The following SPTBN1 variants were observed in gnomAD, a reference collection of about 807,000 sequenced individuals.
SPTBN1 encodes the protein spectrin beta, non-erythrocytic 1, also known as spectrin beta chain, non-erythrocytic 1.
Under a neutral mutation model 266.4 loss-of-function variants are expected in SPTBN1, and 32 were observed. The observed-to-expected ratio is 0.12, with a 90% CI of 0.09 to 0.16. The LOEUF is 0.16. Ranked by LOEUF, SPTBN1 falls within the 10% of genes least tolerant of loss-of-function variation. SPTBN1 has a pLI of 1.00. For synonymous variants in SPTBN1, 1,336 were observed against 1,162.2 expected (o/e 1.15, Z -3.04); for missense variants, 2,296 against 3,067.1 (o/e 0.75, Z 5.94).
At chr2:54,548,307 G>C (rs1429268761) in intron 2 of SPTBN1, among the ~76,000 whole-genome samples, 1 of 152,170 alleles carries the variant, frequency 6.6e-6, no homozygotes, top group Non-Finnish European at 1.5e-5. Flanking sequence ...AGTTTGCTGA[G>C]GCCAACTTTG....
In SPTBN1 at chr2:54,664,120, ATG is replaced by A. The variant is rs1378282092; in HGVS notation, c.6421-328_6421-327del. The A allele has an allele frequency of 1.5e-5, 3 of 200,766 alleles. No individual in the cohort carries two copies. Among genetic ancestry groups the A allele is most frequent in the Admixed American group, 5.6e-5 (1 of 17,850 alleles). The allele number at this position is 200,766 out of a possible 1,614,324, so 12.4% of individuals were successfully genotyped here. Reference sequence around the variant, plus strand: ...ACGTCCACTCTCTTTCATATTTAATATGTGTGATTGTTACTGTTGTCTTTTTG... The same window carrying A: ...ACGTCCACTCTCTTTCATATTTAATATGTGATTGTTACTGTTGTCTTTTTG... On this transcript the variant is annotated intron_variant, in intron 32 of 35. Transcript: ENST00000356805. The surrounding 1 kb of genome is among the most constrained non-coding windows in gnomAD (Gnocchi z 5.6).
At position 54,526,547 on chromosome 2, in the gene SPTBN1, C is replaced by T; in HGVS notation, c.129C>T (p.Ser43=). Residue 43 remains serine, a synonymous_variant, in exon 2 of 36, where the codon TCC becomes TCT. Transcript: ENST00000356805. ...GCTCTGCGCGGCTTTTTGAGCGGTC[C>T]CGCATCAAGGCTCTGGCAGGTGAGT... ...ENSSARLFER[S]RIKALADERE... is the part of the protein sequence containing the mutation. 1 of 1,613,928 alleles carries T rather than the reference C, an allele frequency of 6.2e-7. No homozygotes were observed. The highest frequency in any genetic ancestry group is 8.5e-7 in the Non-Finnish European group (1 of 1,179,936).
In SPTBN1 at chr2:54,645,324, G is replaced by A; in HGVS notation, c.4365G>A (p.Glu1455=). Reference sequence around the variant, plus strand: ...GTCAGGAAGGGAAGAGCACCGACGAGGTAGACAGCAAGCGCCTCACCGTGC... The same window carrying A: ...GTCAGGAAGGGAAGAGCACCGACGAAGTAGACAGCAAGCGCCTCACCGTGC... The part of the protein sequence containing the change: ...ALSQEGKSTD[E]VDSKRLTVQT... The change falls in exon 21 of 36, where the codon GAG becomes GAA. Residue 1455 remains glutamate (E), a synonymous_variant. Coordinates refer to ENST00000356805, the MANE Select transcript of SPTBN1 (RefSeq NM_003128.3). This position sits in a 1 kb window ranked among gnomAD's most constrained non-coding sequence, Gnocchi z 4.3. 6.2e-7 allele frequency: 1 copy of A among 1,614,214 alleles called. No homozygotes were observed. Among genetic ancestry groups the A allele is most frequent in the Non-Finnish European group, 8.5e-7 (1 of 1,180,046 alleles).
At chr2:54,663,498 C>G (rs536133434) in intron 32 of SPTBN1, 1 of 152,312 alleles carries the variant, frequency 6.6e-6, no homozygotes, top group Admixed American at 6.5e-5. Context: ...TACTACATTT[C>G]CAAAGCCGAA....
chr2:54,659,225 G>T lies in SPTBN1; in HGVS notation c.6315G>T (p.Pro2105=). Residue 2105 remains proline, a synonymous_variant, in exon 31 of 36, where the codon CCG becomes CCT. Transcript: ENST00000356805. Reference sequence around the variant, plus strand: ...AGAGGCGGCCGCCTTCTCCCGAGCCGAGCACGAAGGTTTCAGAGGAAGCCG... The same window carrying T: ...AGAGGCGGCCGCCTTCTCCCGAGCCTAGCACGAAGGTTTCAGAGGAAGCCG... ...ERKRRPPSPE[P]STKVSEEAES... is the part of the protein sequence containing the mutation. The T allele has an allele frequency of 6.2e-7, 1 of 1,614,078 alleles. No individual in the cohort carries two copies. Among genetic ancestry groups the T allele is most frequent in the Non-Finnish European group, 8.5e-7 (1 of 1,179,998 alleles).
At chr2:54,655,430 A>C (rs1046235482) in intron 28 of SPTBN1, among the ~76,000 whole-genome samples, 5 of 152,218 alleles carry the variant, frequency 3.3e-5, no homozygotes, top group Admixed American at 3.3e-4. Context: ...GAGGGCTACA[A>C]AATGGACTCC....
chr2:54,618,336 A>T (rs1677760785), intron 7 of SPTBN1, 143 bp downstream of exon 7: 4 of 691,556 alleles, frequency 5.8e-6, no homozygotes, highest in Non-Finnish European at 9.7e-6. Flanking sequence ...TTTTTTGAGG[A>T]TTTATGGAAA....
intron 2 of SPTBN1, among the ~76,000 whole-genome samples, chr2:54,547,661 C>T (rs190181594): frequency 6.6e-6 from 1 of 152,230 alleles, no homozygotes; most frequent in Admixed American, 6.5e-5. Flanking sequence ...GGAAAAAAGG[C>T]ACCAACGTGG....
At chr2:54,586,430 A>C (rs1162619436) in intron 2 of SPTBN1, among the ~76,000 whole-genome samples, 1 of 152,230 alleles carries the variant, frequency 6.6e-6, no homozygotes, top group Non-Finnish European at 1.5e-5. Context: ...CATTAAGTGG[A>C]ATCTTGTCAT....
At chr2:54,634,484 C>CGAT (rs1181480451) in intron 17 of SPTBN1, among the ~76,000 whole-genome samples, 7 of 152,052 alleles carry the variant, frequency 4.6e-5, no homozygotes, top group Non-Finnish European at 1.0e-4. Context: ...GGGAGCTTTC[C>CGAT]GATGACCTGC....
rs367851896 is a variant in SPTBN1, at chr2:54,549,190, G to C, written c.148+22624G>C. 1.2e-3 allele frequency among the ~76,000 whole-genome samples: 187 copies of C among 151,232 alleles called. 4 individuals carry two copies. The South Asian group carries it at 0.034, about 28-fold the overall frequency. On this transcript the variant is annotated intron_variant, in intron 2 of 35. Coordinates refer to ENST00000356805, the MANE Select transcript of SPTBN1 (RefSeq NM_003128.3). ...TGTAATCCCAGCTACTCGGAAAGCT[G>C]AGGCAAGAGAATCGCTTGAACCCTG...
intron 1 of SPTBN1, among the ~76,000 whole-genome samples, chr2:54,487,830 G>GTTTTTTTTTT (rs1558770807): frequency 2.0e-3 from 12 of 5,944 alleles, no homozygotes; most frequent in East Asian, 6.5e-3. Flanking sequence ...CTCCTCCTGT[G>GTTTTTTTTTT]TCTTTTTTTT....
rs1672738489 is a variant in SPTBN1 at position 54,554,267 on chromosome 2, G to GTGGA, written c.148+27703_148+27706dup. 6.6e-6 allele frequency among the ~76,000 whole-genome samples: 1 copy of GTGGA among 152,198 alleles called. No individual in the cohort carries two copies. The highest frequency in any genetic ancestry group is 2.4e-5 in the African/African-American group (1 of 41,448). On this transcript the variant is annotated intron_variant, in intron 2 of 35. Transcript: ENST00000356805. This position sits in a 1 kb window ranked among gnomAD's most constrained non-coding sequence, Gnocchi z 4.5. ...GGGAGATGGGGAGCACGCTGACTTG[G>GTGGA]TGGATCTGGGGTCCATGTGTTGGTT...
intron 2 of SPTBN1, among the ~76,000 whole-genome samples, chr2:54,553,323 C>T (rs928398190): frequency 1.3e-5 from 2 of 151,934 alleles, no homozygotes; most frequent in African/African-American, 4.8e-5. Flanking sequence ...GAGAGGTGGG[C>T]AAGAGGTTCC....
chr2:54,656,124 G>T (rs1680637585), intron 29 of SPTBN1, 126 bp downstream of exon 29: 5 of 735,312 alleles, frequency 6.8e-6, no homozygotes, highest in Non-Finnish European at 1.1e-5. Flanking sequence ...CCTTTTTAGT[G>T]CCCCGTTTCA....
chr2:54,503,175 A>C (rs745367490), intron 1 of SPTBN1, among the ~76,000 whole-genome samples: 1 of 152,222 alleles, frequency 6.6e-6, no homozygotes, highest in Non-Finnish European at 1.5e-5. Flanking sequence ...GCCCCACGAC[A>C]CTGGTCACTG....
chr2:54,576,073 G>GTTTTTT (rs1674449935), intron 2 of SPTBN1, among the ~76,000 whole-genome samples: 1 of 4,834 alleles, frequency 2.1e-4, no homozygotes, highest in Non-Finnish European at 3.9e-4. Context: ...TTTTTTTTTT[G>GTTTTTT]AGAGACAGTC....
Position 54,664,457 on chromosome 2 carries a change from C to G in SPTBN1, c.6425C>G (p.Ala2142Gly), listed in dbSNP as rs1681244973. The G allele has an allele frequency of 6.2e-7, 1 of 1,610,494 alleles. No individual in the cohort carries two copies. The highest frequency in any genetic ancestry group is 1.3e-5 in the African/African-American group (1 of 74,826). Reference sequence around the variant, plus strand: ...TGGCCTCTCCGCTGTCCCTAGATGGCAGAAACGGTGGACACAAGCGAAATG... The same window carrying G: ...TGGCCTCTCCGCTGTCCCTAGATGGGAGAAACGGTGGACACAAGCGAAATG... ...LPAEQGSPRM[A>G]ETVDTSEMVN... Residue 2142 changes from alanine to glycine, a missense_variant, in exon 33 of 36, where the codon GCA becomes GGA. By Grantham distance (60) the Ala-to-Gly change is moderately conservative. This residue lies in a region of SPTBN1 where 347 missense variants were observed against 368.5 expected (regional missense o/e 0.94). Transcript: ENST00000356805. This position sits in a 1 kb window ranked among gnomAD's most constrained non-coding sequence, Gnocchi z 5.6.
chr2:54,611,424 A>G (rs1451003610), intron 3 of SPTBN1, among the ~76,000 whole-genome samples: 3 of 152,156 alleles, frequency 2.0e-5, no homozygotes, highest in Non-Finnish European at 2.9e-5. Flanking sequence ...CTATAATAGT[A>G]TATTTTATAG....
Sources: gnomAD v4.1 joint callset for allele counts (sites outside exome capture counted in the v4.1 genomes callset) on GRCh38, gnomAD v4.1.1 for gene constraint, gnomAD v4.1.1 regional missense constraint, Gnocchi (gnomAD v3.1) non-coding constraint, MANE v1.5 for transcripts, NCBI Gene and HGNC (gene_info 2026-07-23, HGNC 2026-07-21) for gene names.